Variants in SLIT3 observed in about 807,000 individuals in gnomAD.
SLIT3 encodes slit guidance ligand 3.
SLIT3 carries 68 observed loss-of-function variants against 184.0 expected under a neutral mutation model. That is an observed-to-expected ratio of 0.37 (90% CI 0.30 to 0.45). SLIT3 has a LOEUF of 0.45. SLIT3 is among the 20% of genes least tolerant of loss of function. SLIT3 has a pLI of 1.00. For synonymous variants in SLIT3, 831 were observed against 828.6 expected, an observed-to-expected ratio of 1.00 and a Z score of -0.05; for missense variants, 1,707 against 2,026.0, an observed-to-expected ratio of 0.84 and a Z score of 3.02.
intron 4 of SLIT3, among the ~76,000 whole-genome samples, chr5:169,079,121 G>T (rs562636798): frequency 6.6e-6 from 1 of 152,196 alleles, no homozygotes; most frequent in Non-Finnish European, 1.5e-5. Context: ...CAGATCCTTG[G>T]CTACTCATCC....
At chr5:168,703,860 G>A (rs544969455) in intron 26 of SLIT3, among the ~76,000 whole-genome samples, 73 of 145,446 alleles carry the variant, frequency 5.0e-4, no homozygotes, top group Non-Finnish European at 8.8e-4. Flanking sequence ...CAGGAGAATT[G>A]CTTGAACCCA....
chr5:168,821,915 C>A (rs1326535952), intron 7 of SLIT3, among the ~76,000 whole-genome samples: 1 of 152,156 alleles, frequency 6.6e-6, no homozygotes, highest in Non-Finnish European at 1.5e-5. Context: ...ATATAAATTG[C>A]TTCTTTGGTC....
chr5:168,683,748 C>G lies in SLIT3; in HGVS notation c.3686+218G>C, dbSNP rs74684407. On this transcript the variant is annotated intron_variant, in intron 32 of 35. Coordinates refer to ENST00000519560, the MANE Select transcript of SLIT3 (RefSeq NM_003062.4). ...ATGGTGATGAGGTGTCACCTCCCCT[C>G]TGCGGGCCTGCCTTCCTCTGCCTCT... Among the ~76,000 whole-genome samples the G allele has an allele frequency of 3.5e-3, 526 of 152,332 alleles. 4 individuals carry two copies. The highest frequency in any genetic ancestry group is 0.012 in the African/African-American group (488 of 41,572).
intron 3 of SLIT3, among the ~76,000 whole-genome samples, chr5:169,225,135 C>G (rs1047722807): frequency 2.0e-4 from 30 of 152,316 alleles, no homozygotes; most frequent in East Asian, 1.2e-3. Context: ...TTCCTAAGCA[C>G]CCACTATGTG....
intron 4 of SLIT3, among the ~76,000 whole-genome samples, chr5:168,925,602 A>G (rs537821833): frequency 2.0e-5 from 3 of 151,876 alleles, no homozygotes; most frequent in Admixed American, 1.3e-4. Flanking sequence ...CAGGACCAGA[A>G]GGTAGATGAG....
At chr5:168,839,771 G>A (rs1333940021) in intron 6 of SLIT3, among the ~76,000 whole-genome samples, 1 of 152,178 alleles carries the variant, frequency 6.6e-6, no homozygotes, top group African/African-American at 2.4e-5. Context: ...CTATGCTTGG[G>A]ATTCCCAATC....
rs1761306362 is a variant in SLIT3 at position 168,673,206 on chromosome 5, A to G, written c.3812T>C (p.Val1271Ala). ...AAGGTAGAGGGGGCTGTTGATGCCC[A>G]CTGCTGGCTGCTTCTGGAGCTTCCC... ...SLGKLQKQPA[V>A]GINSPLYLGG... is the part of the protein sequence containing the mutation. The change falls in exon 33 of 36, where the codon GTG becomes GCG. Residue 1271 changes from valine (V) to alanine (A), a missense_variant. Transcript: ENST00000519560. 1 of 1,614,158 alleles carries G rather than the reference A, an allele frequency of 6.2e-7. No homozygotes were observed. Among genetic ancestry groups the G allele is most frequent in the Non-Finnish European group, 8.5e-7 (1 of 1,180,024 alleles).
At chr5:168,670,861 G>A (rs1432244847) in intron 34 of SLIT3, among the ~76,000 whole-genome samples, 1 of 152,190 alleles carries the variant, frequency 6.6e-6, no homozygotes, top group Non-Finnish European at 1.5e-5. Context: ...TACACCTGGT[G>A]CCTTGCACAG....
chr5:169,058,034 C>T (rs1758063327), intron 4 of SLIT3, among the ~76,000 whole-genome samples: 2 of 152,168 alleles, frequency 1.3e-5, no homozygotes, highest in East Asian at 1.9e-4. Context: ...ATTAAACCAT[C>T]GACCCCACCC....
At chr5:168,710,233 G>A (rs1404917514) in intron 25 of SLIT3, 2 of 151,978 alleles carry the variant, frequency 1.3e-5, no homozygotes, top group Non-Finnish European at 2.9e-5. Context: ...TTAAAAATGA[G>A]GATAATATTA....
intron 4 of SLIT3, among the ~76,000 whole-genome samples, chr5:169,133,762 G>A (rs1761393494): frequency 6.6e-6 from 1 of 152,142 alleles, no homozygotes; most frequent in African/African-American, 2.4e-5. Flanking sequence ...AGACAATGTA[G>A]GTGCAAAAGA....
At chr5:168,724,259 C>A (rs1763035503) in intron 21 of SLIT3, among the ~76,000 whole-genome samples, 157 bp downstream of exon 21, 1 of 152,180 alleles carries the variant, frequency 6.6e-6, no homozygotes, top group Non-Finnish European at 1.5e-5. Context: ...CTCCCACTTT[C>A]CCTTTGCAGA....
Position 168,844,663 on chromosome 5 carries a change from A to C in SLIT3, c.486-8T>G, listed in dbSNP as rs200456711. ...TGGTTGTTGTCCAGTTGCCTGTGGA[A>C]AAGCAGGGGAGAGCATGAAGGCTGA... On this transcript the variant is annotated splice_polypyrimidine_tract_variant and splice_region_variant and intron_variant, in intron 5 of 35. Transcript: ENST00000519560. 2.6e-5 allele frequency: 42 copies of C among 1,614,086 alleles called. No homozygotes were observed. In the Admixed American group the frequency reaches 4.2e-4, roughly 16 times the overall value.
chr5:169,288,727 C>G (rs952310089), intron 1 of SLIT3, among the ~76,000 whole-genome samples: 1 of 152,174 alleles, frequency 6.6e-6, no homozygotes, highest in Admixed American at 6.5e-5. Flanking sequence ...GTCTTGGACA[C>G]TGTCACTTAT....
At chr5:169,101,248 G>A (rs897741845) in intron 4 of SLIT3, among the ~76,000 whole-genome samples, 1 of 152,124 alleles carries the variant, frequency 6.6e-6, no homozygotes, top group East Asian at 1.9e-4. Flanking sequence ...CAGAAGAACA[G>A]CCCACAAACA....
At chr5:168,950,757 G>A (rs969623000) in intron 4 of SLIT3, among the ~76,000 whole-genome samples, 2 of 152,208 alleles carry the variant, frequency 1.3e-5, no homozygotes, top group Admixed American at 6.5e-5. Context: ...GGTCTGAAGA[G>A]CAGATTCATG....
At chr5:169,167,740 C>T (rs978245513) in intron 4 of SLIT3, among the ~76,000 whole-genome samples, 4 of 152,128 alleles carry the variant, frequency 2.6e-5, no homozygotes, top group African/African-American at 7.2e-5. Context: ...GCTTCTGGTA[C>T]CTGAACTTCT....
intron 9 of SLIT3, among the ~76,000 whole-genome samples, chr5:168,796,025 T>C (rs1438921632): frequency 6.6e-6 from 1 of 152,204 alleles, no homozygotes; most frequent in Non-Finnish European, 1.5e-5. Flanking sequence ...GCCACACTGC[T>C]AATGGGGCAG....
rs1759842831 is a variant in SLIT3, at chr5:168,878,878, C to T, written c.485+4387G>A. On this transcript the variant is annotated intron_variant, in intron 5 of 35. Coordinates refer to ENST00000519560, the MANE Select transcript of SLIT3 (RefSeq NM_003062.4). ...TATAAGTGCCTGCCACCACACCCAG[C>T]TAATTTTTGTATTTTTAGTACAGAT... Among the ~76,000 whole-genome samples, 4 of 152,062 alleles carry T rather than the reference C, an allele frequency of 2.6e-5. No individual in the cohort carries two copies. In the South Asian group the frequency reaches 8.3e-4, roughly 32 times the overall value.
Sources: allele counts gnomAD v4.1 joint callset (sites outside exome capture counted in the v4.1 genomes callset), GRCh38; gene constraint gnomAD v4.1.1; transcripts MANE v1.5; gene names NCBI Gene and HGNC (gene_info 2026-07-23, HGNC 2026-07-21).